Variants in TRPM3 observed in about 807,000 individuals in gnomAD.
The protein encoded by TRPM3 is long transient receptor potential channel 3.
A neutral mutation model predicts 181.2 loss-of-function variants in TRPM3; 77 were observed. The ratio of observed to expected loss-of-function variants is 0.42; its 90% CI spans 0.35 to 0.51. The LOEUF is 0.51. Ranked by LOEUF, TRPM3 falls within the 20% of genes least tolerant of loss-of-function variation. TRPM3 has a pLI of 0.01. For synonymous variants in TRPM3, 745 were observed against 796.4 expected (o/e 0.94, Z 1.09); for missense variants, 1,759 against 2,196.7 (o/e 0.80, Z 3.98).
intron 22 of TRPM3, among the ~76,000 whole-genome samples, chr9:70,560,677 G>A (rs1403140925): frequency 1.3e-5 from 2 of 152,128 alleles, no homozygotes; most frequent in Non-Finnish European, 2.9e-5. Context: ...GGATTGAGAG[G>A]AATCTCTCAA....
At chr9:70,560,023 G>A (rs577406031) in intron 22 of TRPM3, among the ~76,000 whole-genome samples, 11 of 152,266 alleles carry the variant, frequency 7.2e-5, no homozygotes, top group East Asian at 5.8e-4. Flanking sequence ...ATGTGGGATC[G>A]TCAAAAGTGA....
intron 1 of TRPM3, among the ~76,000 whole-genome samples, chr9:71,135,692 T>C (rs1017614764): frequency 6.6e-6 from 1 of 152,162 alleles, no homozygotes; most frequent in African/African-American, 2.4e-5. Context: ...TGTGGGATTA[T>C]GGATATAAGT....
At chr9:70,582,862 C>T (rs1408391813) in intron 22 of TRPM3, among the ~76,000 whole-genome samples, 3 of 152,176 alleles carry the variant, frequency 2.0e-5, no homozygotes, top group Admixed American at 6.5e-5. Flanking sequence ...TTTATGATGA[C>T]ACCAGGTTAC....
At position 70,577,019 on chromosome 9, in the gene TRPM3, A is replaced by G. The variant is rs942684710; in HGVS notation, c.3223+14012T>C. Among the ~76,000 whole-genome samples the G allele has an allele frequency of 1.3e-5, 2 of 152,100 alleles. 1 individual carries two copies. The highest frequency in any genetic ancestry group is 4.8e-5 in the African/African-American group (2 of 41,392). On this transcript the variant is annotated intron_variant, in intron 22 of 25. Coordinates refer to ENST00000677713, the MANE Select transcript of TRPM3 (RefSeq NM_001366145.2). ...CAAGCCCTTTCGCTGACCATTCTCT[A>G]TAAAATTGTGTGCCCAAGTCCTTGC... is the stretch of plus-strand genomic sequence containing the variant.
At chr9:71,314,066 A>G (rs771591420) in intron 1 of TRPM3, among the ~76,000 whole-genome samples, 3 of 152,162 alleles carry the variant, frequency 2.0e-5, no homozygotes, top group Non-Finnish European at 4.4e-5. Context: ...ACCTCACAAT[A>G]GAGTCAATAA....
rs373877144 is a variant in TRPM3, at chr9:71,033,525, T to C, written c.177+87653A>G. Among the ~76,000 whole-genome samples, 129 of 151,870 alleles carry C rather than the reference T, an allele frequency of 8.5e-4. 1 individual carries two copies. The East Asian group carries it at 0.023, about 27-fold the overall frequency. ...AATAGACACTGAAATAAATTTGAAC[T>C]ATACATACATTTAAGATTAATAAAA... is the stretch of plus-strand genomic sequence containing the variant. On this transcript the variant is annotated intron_variant, in intron 1 of 25. Transcript: ENST00000677713.
At chr9:70,862,521 A>G (rs2095548293) in intron 3 of TRPM3, among the ~76,000 whole-genome samples, 1 of 152,164 alleles carries the variant, frequency 6.6e-6, no homozygotes, top group Non-Finnish European at 1.5e-5. Context: ...ACAGAAGTCT[A>G]AAGAGCAACA....
At chr9:70,912,445 A>G (rs1276967055) in intron 1 of TRPM3, among the ~76,000 whole-genome samples, 1 of 152,226 alleles carries the variant, frequency 6.6e-6, no homozygotes, top group Non-Finnish European at 1.5e-5. Flanking sequence ...TGTTCTGAGT[A>G]GCTGCCTCAT....
chr9:71,276,409 G>C (rs1363121498), intron 1 of TRPM3, among the ~76,000 whole-genome samples: 1 of 151,996 alleles, frequency 6.6e-6, no homozygotes, highest in East Asian at 1.9e-4. Context: ...AAAAATTTAA[G>C]CTATAAATTT....
chr9:71,150,654 C>T (rs1019153016), intron 1 of TRPM3, among the ~76,000 whole-genome samples: 1 of 152,068 alleles, frequency 6.6e-6, no homozygotes, highest in Admixed American at 6.6e-5. Flanking sequence ...ATGAAATAGC[C>T]TTCTCCTACA....
intron 1 of TRPM3, among the ~76,000 whole-genome samples, chr9:71,165,168 G>A (rs567655450): frequency 9.9e-5 from 15 of 152,098 alleles, no homozygotes; most frequent in East Asian, 1.9e-4. Context: ...GTGTAAACCC[G>A]TGGGCAAGTT....
At chr9:70,920,313 A>G (rs1302505838) in intron 1 of TRPM3, among the ~76,000 whole-genome samples, 3 of 152,326 alleles carry the variant, frequency 2.0e-5, no homozygotes, top group Non-Finnish European at 4.4e-5. Flanking sequence ...CTTGCTTCAT[A>G]AAATTTTGTT....
At chr9:70,811,234 C>G (rs200079844) in intron 6 of TRPM3, 3 of 1,610,026 alleles carry the variant, frequency 1.9e-6, no homozygotes, top group Non-Finnish European at 2.5e-6. Flanking sequence ...GAGAGAAAAA[C>G]GGCAGGCATC....
chr9:70,618,168 A>G (rs1205888399), intron 17 of TRPM3, among the ~76,000 whole-genome samples: 1 of 152,192 alleles, frequency 6.6e-6, no homozygotes, highest in Non-Finnish European at 1.5e-5. Flanking sequence ...AACGCTATAC[A>G]CCATCCTATT....
chr9:71,202,981 G>A (rs1229645075), intron 1 of TRPM3, among the ~76,000 whole-genome samples: 1 of 152,138 alleles, frequency 6.6e-6, no homozygotes, highest in Non-Finnish European at 1.5e-5. Context: ...TCCCCAAATT[G>A]GCAAATAATA....
intron 1 of TRPM3, among the ~76,000 whole-genome samples, chr9:71,406,038 G>A (rs2093429895): frequency 1.3e-5 from 2 of 152,098 alleles, no homozygotes; most frequent in African/African-American, 4.8e-5. Flanking sequence ...CACTTCAGGA[G>A]GCCAAGGCAG....
rs868247996 is a variant in TRPM3 at position 71,226,815 on chromosome 9, G to A, written c.183+219838C>T. On this transcript the variant is annotated intron_variant, in intron 1 of 24. Transcript: ENST00000357533. Reference sequence around the variant, plus strand: ...GAGACTTCAACATCCTACTTTCAGCGCTGAACAGATCTTCCAGATGGAAGA... The same window carrying A: ...GAGACTTCAACATCCTACTTTCAGCACTGAACAGATCTTCCAGATGGAAGA... 2.0e-5 allele frequency among the ~76,000 whole-genome samples: 3 copies of A among 152,062 alleles called. No individual in the cohort carries two copies. In the East Asian group the frequency reaches 5.8e-4, roughly 29 times the overall value.
At chr9:70,671,554 G>A (rs2062937511) in intron 9 of TRPM3, among the ~76,000 whole-genome samples, 2 of 151,820 alleles carry the variant, frequency 1.3e-5, no homozygotes, top group South Asian at 4.1e-4. Flanking sequence ...ACATTATATG[G>A]TAAGTAATGG....
upstream of TRPM3, among the ~76,000 whole-genome samples, chr9:71,124,977 C>T (rs1240897404): frequency 6.6e-6 from 1 of 152,120 alleles, no homozygotes; most frequent in Non-Finnish European, 1.5e-5. Flanking sequence ...ATCTGGACAT[C>T]AATTGTACAT....
Sources: gnomAD v4.1 joint callset for allele counts (sites outside exome capture counted in the v4.1 genomes callset) on GRCh38, gnomAD v4.1.1 for gene constraint, MANE v1.5 for transcripts, NCBI Gene and HGNC (gene_info 2026-07-23, HGNC 2026-07-21) for gene names.